The following ADCY2 variants were observed in gnomAD, a reference collection of about 807,000 sequenced individuals.
The protein encoded by ADCY2 is adenylate cyclase 2.
A neutral mutation model predicts 125.2 loss-of-function variants in ADCY2; 31 were observed. The observed-to-expected ratio is 0.25, with a 90% CI of 0.19 to 0.33. The LOEUF is 0.33. ADCY2 is among the 10% of genes least tolerant of loss of function. ADCY2 has a pLI of 1.00. For synonymous variants in ADCY2, 512 were observed against 548.4 expected (o/e 0.93, Z 0.93); for missense variants, 904 against 1,418.2 (o/e 0.64, Z 5.82).
chr5:7,446,950 A>AAT (rs1424363946), intron 2 of ADCY2, among the ~76,000 whole-genome samples: 2 of 152,176 alleles, frequency 1.3e-5, no homozygotes, highest in Non-Finnish European at 2.9e-5. Flanking sequence ...CACTACCAAA[A>AAT]TTAATGAGTA....
intron 2 of ADCY2, among the ~76,000 whole-genome samples, chr5:7,428,452 T>G (rs75523298): frequency 0.019 from 2,890 of 152,356 alleles, 37 homozygotes; most frequent in Admixed American, 0.03. Flanking sequence ...CCATTTTCAT[T>G]TGCTTAAGTT....
intron 14 of ADCY2, among the ~76,000 whole-genome samples, chr5:7,736,872 A>G (rs1742264790): frequency 6.6e-6 from 1 of 152,202 alleles, no homozygotes; most frequent in Non-Finnish European, 1.5e-5. Context: ...ATCAGTTGAT[A>G]TGTGTTTAAT....
intron 2 of ADCY2, among the ~76,000 whole-genome samples, chr5:7,446,719 A>G (rs1363164897): frequency 2.0e-5 from 3 of 152,206 alleles, no homozygotes; most frequent in Non-Finnish European, 4.4e-5. Flanking sequence ...GTGAGTGAAC[A>G]CACAGTTGGA....
intron 3 of ADCY2, among the ~76,000 whole-genome samples, chr5:7,553,952 G>A (rs1315698183): frequency 3.9e-5 from 6 of 152,108 alleles, no homozygotes; most frequent in Non-Finnish European, 8.8e-5. Context: ...TTAGAAAAAT[G>A]AGTTCTTGCT....
chr5:7,544,230 T>C (rs537089060), intron 3 of ADCY2, among the ~76,000 whole-genome samples: 24 of 152,220 alleles, frequency 1.6e-4, no homozygotes, highest in Admixed American at 3.9e-4. Flanking sequence ...GCAGGCAGCA[T>C]TGGTTTCCAA....
Position 7,534,369 on chromosome 5 carries a change from G to A in ADCY2, c.570+13470G>A, listed in dbSNP as rs994524943. ...GTGTTCTGAATAATTCCCACATGGA[G>A]AAGAGGAAATGTTGTCTTTGTGTGT... is the stretch of plus-strand genomic sequence containing the variant. On this transcript the variant is annotated intron_variant, in intron 3 of 24. Coordinates refer to ENST00000338316, the MANE Select transcript of ADCY2 (RefSeq NM_020546.3). Among the ~76,000 whole-genome samples the A allele has an allele frequency of 8.5e-5, 13 of 152,352 alleles. No homozygotes were observed. The South Asian group carries it at 2.5e-3, about 29-fold the overall frequency.
chr5:7,651,278 A>G (rs1006334006), intron 4 of ADCY2, among the ~76,000 whole-genome samples: 2 of 152,156 alleles, frequency 1.3e-5, no homozygotes, highest in South Asian at 2.1e-4. Flanking sequence ...GACAGAACTA[A>G]TAGGATAGAT....
intron 6 of ADCY2, 62 bp from the exon 7 acceptor site, chr5:7,698,185 A>T: frequency 6.2e-7 from 1 of 1,602,956 alleles, no homozygotes; most frequent in Non-Finnish European, 8.5e-7. Context: ...ATGATATTAC[A>T]TGAATCTAGA....
At chr5:7,744,262 C>A (rs1280948342) in intron 15 of ADCY2, among the ~76,000 whole-genome samples, 1 of 152,022 alleles carries the variant, frequency 6.6e-6, no homozygotes, top group African/African-American at 2.4e-5. Flanking sequence ...AGGACAAATA[C>A]CTAATGCATG....
intron 2 of ADCY2, among the ~76,000 whole-genome samples, chr5:7,474,271 C>T (rs553216477): frequency 6.6e-6 from 1 of 152,268 alleles, no homozygotes; most frequent in East Asian, 1.9e-4. Context: ...AAGCTAGGTA[C>T]AGAGCTTTCT....
intron 3 of ADCY2, among the ~76,000 whole-genome samples, chr5:7,597,631 G>A (rs765214508): frequency 1.3e-5 from 2 of 152,128 alleles, no homozygotes; most frequent in Non-Finnish European, 2.9e-5. Flanking sequence ...TTAAAATTTA[G>A]CAGGGCATGG....
intron 3 of ADCY2, among the ~76,000 whole-genome samples, chr5:7,529,643 T>C (rs1247563363): frequency 6.6e-6 from 1 of 152,202 alleles, no homozygotes; most frequent in East Asian, 1.9e-4. Context: ...CACAGCTGTC[T>C]GCAGTGAAGT....
chr5:7,564,980 A>G (rs1265026885), intron 3 of ADCY2, among the ~76,000 whole-genome samples: 1 of 152,228 alleles, frequency 6.6e-6, no homozygotes, highest in Non-Finnish European at 1.5e-5. Flanking sequence ...GGTTTATGCA[A>G]ATTGCCTAGC....
At chr5:7,399,812 A>G (rs1739195972) in intron 1 of ADCY2, among the ~76,000 whole-genome samples, 1 of 152,238 alleles carries the variant, frequency 6.6e-6, no homozygotes, top group Non-Finnish European at 1.5e-5. Flanking sequence ...AGGAATGGCA[A>G]TAATGCTGGG....
rs1346697386 is a variant in ADCY2 at position 7,828,738 on chromosome 5, C to T, written c.*1867C>T. ...TTTCTCTTTCCTCTAACTCATTCTT[C>T]ACGGATGCCGTAGCGTTTCCGTGAG... On this transcript the variant is annotated 3_prime_UTR_variant, in exon 25 of 25. Coordinates refer to ENST00000338316, the MANE Select transcript of ADCY2 (RefSeq NM_020546.3). 6.6e-6 allele frequency: 1 copy of T among 152,320 alleles called. No homozygotes were observed. The highest frequency in any genetic ancestry group is 2.4e-5 in the African/African-American group (1 of 41,434). The allele number at this position is 152,320 out of a possible 1,614,324, so 9.4% of individuals were successfully genotyped here. A position where few individuals can be genotyped will look rare whatever the true frequency, so the allele number is the denominator to read the frequency against.
chr5:7,672,290 C>T (rs1258406416), intron 4 of ADCY2, among the ~76,000 whole-genome samples: 1 of 152,018 alleles, frequency 6.6e-6, no homozygotes, highest in Non-Finnish European at 1.5e-5. Flanking sequence ...GTAAAAATGC[C>T]CTTCGGATGA....
At chr5:7,418,657 T>A (rs1289997928) in intron 2 of ADCY2, among the ~76,000 whole-genome samples, 1 of 133,672 alleles carries the variant, frequency 7.5e-6, no homozygotes, top group Non-Finnish European at 1.6e-5. Context: ...GTTTTTTTTT[T>A]TTTTTTTTTT....
At chr5:7,461,875 A>G (rs565565467) in intron 2 of ADCY2, among the ~76,000 whole-genome samples, 2 of 152,306 alleles carry the variant, frequency 1.3e-5, no homozygotes, top group East Asian at 3.9e-4. Flanking sequence ...TTCTGTTTAG[A>G]TCTCATATTT....
intron 2 of ADCY2, among the ~76,000 whole-genome samples, chr5:7,485,617 CA>C (rs1742898153): frequency 6.6e-6 from 1 of 152,048 alleles, no homozygotes; most frequent in East Asian, 1.9e-4. Flanking sequence ...TTTCCTTTGA[CA>C]TATTAGTTTC....
Sources: gnomAD v4.1 joint callset for allele counts (sites outside exome capture counted in the v4.1 genomes callset) on GRCh38, gnomAD v4.1.1 for gene constraint, MANE v1.5 for transcripts, NCBI Gene and HGNC (gene_info 2026-07-23, HGNC 2026-07-21) for gene names.